KPNA1: variants seen among roughly 807,000 people sequenced by gnomAD.
KPNA1 encodes karyopherin subunit alpha 1, also known as importin subunit alpha-5.
KPNA1 carries 10 observed loss-of-function variants against 70.5 expected under a neutral mutation model. That is an observed-to-expected ratio of 0.14 (90% CI 0.09 to 0.24). The LOEUF (loss-of-function observed/expected upper bound fraction) is 0.24. KPNA1 is among the 10% of genes least tolerant of loss of function. KPNA1 has a pLI of 1.00. For missense variants in KPNA1, 397 were observed against 637.9 expected (o/e 0.62, Z 4.07); for synonymous variants, 192 against 221.9 (o/e 0.87, Z 1.20).
chr3:122,437,957 A>G (rs2076011111), intron 10 of KPNA1, among the ~76,000 whole-genome samples: 1 of 152,250 alleles, frequency 6.6e-6, no homozygotes, highest in Non-Finnish European at 1.5e-5. Context: ...CTTTCTTCCA[A>G]TGACTTGTGG....
intron 6 of KPNA1, among the ~76,000 whole-genome samples, chr3:122,452,633 AGGAGAGAGGGAG>A (rs1212390270): frequency 3.0e-4 from 18 of 60,700 alleles, no homozygotes; most frequent in Non-Finnish European, 4.6e-4. Flanking sequence ...GGAGGGAGGG[AGGAGAGAGGGAG>A]GGAGGGAGGG....
chr3:122,495,314 A>C (rs1314973517), intron 2 of KPNA1, among the ~76,000 whole-genome samples: 1 of 151,942 alleles, frequency 6.6e-6, no homozygotes, highest in Non-Finnish European at 1.5e-5. Context: ...CTAATTTAAA[A>C]GCTCTGTGAA....
intron 2 of KPNA1, among the ~76,000 whole-genome samples, chr3:122,488,765 C>T (rs2076659630): frequency 6.6e-6 from 1 of 152,158 alleles, no homozygotes; most frequent in Non-Finnish European, 1.5e-5. Context: ...TGTTCCTCTG[C>T]AGGTAACATG....
At chr3:122,458,403 G>A (rs1214861713) in intron 5 of KPNA1, among the ~76,000 whole-genome samples, 1 of 152,146 alleles carries the variant, frequency 6.6e-6, no homozygotes, top group African/African-American at 2.4e-5. Flanking sequence ...TCAGCACCTG[G>A]GTAGCAATGC....
chr3:122,422,356 A>G lies in KPNA1; in HGVS notation c.*4629T>C, dbSNP rs1478991068. ...CAAAATCATTTGCACAAAAAAAAAA[A>G]AAAAAAAAACCTATTACCATACTTG... is the stretch of plus-strand genomic sequence containing the variant. On this transcript the variant is annotated 3_prime_UTR_variant, in exon 14 of 14. Transcript: ENST00000344337. 1 of 152,132 alleles carries G rather than the reference A, an allele frequency of 6.6e-6. No individual in the cohort carries two copies. The highest frequency in any genetic ancestry group is 1.5e-5 in the Non-Finnish European group (1 of 68,012). 9.4% of individuals were successfully genotyped at this position (152,132 alleles called of 1,614,324 possible).
intron 2 of KPNA1, among the ~76,000 whole-genome samples, chr3:122,478,412 AGGAG>A (rs1207998464): frequency 6.6e-6 from 1 of 152,060 alleles, no homozygotes; most frequent in East Asian, 1.9e-4. Context: ...ACCTGAGGTC[AGGAG>A]TTCAAGACCA....
At chr3:122,436,138 G>T (rs1053822551) in intron 11 of KPNA1, among the ~76,000 whole-genome samples, 8 of 152,154 alleles carry the variant, frequency 5.3e-5, no homozygotes, top group African/African-American at 1.7e-4. Flanking sequence ...ATATGGTTGT[G>T]GATAAGGGAT....
intron 2 of KPNA1, among the ~76,000 whole-genome samples, chr3:122,476,278 C>T (rs1174500845): frequency 6.6e-6 from 1 of 152,070 alleles, no homozygotes; most frequent in Admixed American, 6.6e-5. Context: ...ACACCATAAA[C>T]AAAAATTAAT....
intron 5 of KPNA1, among the ~76,000 whole-genome samples, chr3:122,456,542 T>C (rs2076267132): frequency 6.6e-6 from 1 of 152,190 alleles, no homozygotes; most frequent in Admixed American, 6.5e-5. Flanking sequence ...CAAACTGCTA[T>C]TTTGAGTTTA....
chr3:122,429,437 ACT>A (rs1315815676), intron 12 of KPNA1, among the ~76,000 whole-genome samples: 4 of 118,360 alleles, frequency 3.4e-5, no homozygotes, highest in Non-Finnish European at 5.0e-5. Context: ...AAAGAGCGAA[ACT>A]CTGTCTCAAA....
chr3:122,492,342 G>A (rs1035239279), intron 2 of KPNA1, among the ~76,000 whole-genome samples: 1 of 152,028 alleles, frequency 6.6e-6, no homozygotes, highest in Admixed American at 6.5e-5. Context: ...ATGTAATCTT[G>A]GCCAAATCAT....
intron 5 of KPNA1, chr3:122,457,723 G>A (rs2107741740): frequency 1.6e-6 from 2 of 1,287,352 alleles, no homozygotes; most frequent in Non-Finnish European, 2.0e-6. Context: ...AAGTACTTCT[G>A]ACCTCCTATC....
intron 2 of KPNA1, among the ~76,000 whole-genome samples, chr3:122,494,189 G>T (rs773058332): frequency 1.6e-4 from 25 of 151,926 alleles, no homozygotes; most frequent in Non-Finnish European, 3.5e-4. Context: ...TTCCTTTTGA[G>T]GACTTACTCA....
At chr3:122,498,085 T>C (rs923473378) in intron 1 of KPNA1, among the ~76,000 whole-genome samples, 5 of 152,226 alleles carry the variant, frequency 3.3e-5, no homozygotes, top group African/African-American at 7.2e-5. Flanking sequence ...ACCTCATTTT[T>C]TTGCATGTGT....
intron 1 of KPNA1, among the ~76,000 whole-genome samples, chr3:122,511,230 C>T (rs2076951426): frequency 6.6e-6 from 1 of 152,180 alleles, no homozygotes; most frequent in Non-Finnish European, 1.5e-5. Flanking sequence ...CCCAAGCTGC[C>T]TATTCTGACC....
At chr3:122,429,956 A>ATTCT (rs1230657096) in intron 12 of KPNA1, among the ~76,000 whole-genome samples, 50 of 152,094 alleles carry the variant, frequency 3.3e-4, no homozygotes, top group African/African-American at 1.2e-3. Flanking sequence ...TCATTCATTC[A>ATTCT]TTCATTCATG....
At chr3:122,455,470 A>G (rs1462105836) in intron 5 of KPNA1, among the ~76,000 whole-genome samples, 1 of 152,218 alleles carries the variant, frequency 6.6e-6, no homozygotes, top group African/African-American at 2.4e-5. Flanking sequence ...ATTTATCTCT[A>G]TGATTAAATT....
chr3:122,427,780 G>A, intron 12 of KPNA1, 64 bp from the exon 13 acceptor site: 1 of 1,119,538 alleles, frequency 8.9e-7, no homozygotes, highest in Non-Finnish European at 1.2e-6. Context: ...TGAAATTAGT[G>A]AGCAAGTCAT....
chr3:122,481,895 C>T (rs1270332517), intron 2 of KPNA1, among the ~76,000 whole-genome samples: 2 of 152,098 alleles, frequency 1.3e-5, no homozygotes, highest in Non-Finnish European at 2.9e-5. Context: ...ACTTCCTTAA[C>T]GTCATATGAC....
Sources: gnomAD v4.1 joint callset for allele counts (sites outside exome capture counted in the v4.1 genomes callset) on GRCh38, gnomAD v4.1.1 for gene constraint, MANE v1.5 for transcripts, NCBI Gene and HGNC (gene_info 2026-07-23, HGNC 2026-07-21) for gene names.